RBFOX1: variants seen among roughly 807,000 people sequenced by gnomAD.
RBFOX1 encodes RNA binding fox-1 homolog 1.
A neutral mutation model predicts 57.7 loss-of-function variants in RBFOX1; 8 were observed. That is an observed-to-expected ratio of 0.14 (90% CI 0.08 to 0.25). The LOEUF (loss-of-function observed/expected upper bound fraction) is 0.25. RBFOX1 is among the 10% of genes least tolerant of loss of function. The pLI is 1.00. For missense variants in RBFOX1, 611 were observed against 548.5 expected, an observed-to-expected ratio of 1.11 and a Z score of -1.14; for synonymous variants, 326 against 222.4, an observed-to-expected ratio of 1.47 and a Z score of -4.15.
rs574132622 is a variant in RBFOX1 at position 6,838,165 on chromosome 16, C to A, written c.-16+183515C>A. The stretch of plus-strand genomic sequence containing the variant: ...CATGCATTAAGTATTTGTCCTAATG[C>A]TCTACCTCCCCTTGCCCCCTAGCCC... On this transcript the variant is annotated intron_variant, in intron 3 of 15. Transcript: ENST00000550418. Among the ~76,000 whole-genome samples the A allele has an allele frequency of 3.5e-4, 53 of 152,196 alleles. 1 individual carries two copies. In the South Asian group the frequency reaches 0.01, roughly 30 times the overall value.
In RBFOX1 at chr16:5,347,786, C is replaced by G. The variant is rs2065174631; in HGVS notation, c.219+107681C>G. ...CCCACACTTCCACCCACCCATTGGT[C>G]TATCCGCCCACCCTTCCACTTAATC... On this transcript the variant is annotated intron_variant, in intron 1 of 2. Coordinates refer to the RBFOX1 transcript ENST00000585867. 2.0e-5 allele frequency among the ~76,000 whole-genome samples: 3 copies of G among 146,710 alleles called. No individual in the cohort carries two copies. In the South Asian group the frequency reaches 7.0e-4, roughly 34 times the overall value.
intron 4 of RBFOX1, among the ~76,000 whole-genome samples, chr16:7,437,003 C>T (rs1236781494): frequency 6.6e-6 from 1 of 152,184 alleles, no homozygotes; most frequent in Non-Finnish European, 1.5e-5. Flanking sequence ...ATCTCTTAAA[C>T]CCAGGAGGTG....
chr16:5,485,622 C>T (rs1241532444), intron 2 of RBFOX1, among the ~76,000 whole-genome samples: 3 of 152,156 alleles, frequency 2.0e-5, no homozygotes, highest in Non-Finnish European at 4.4e-5. Flanking sequence ...GTCCTCATTT[C>T]ACAGATAAAA....
intron 2 of RBFOX1, among the ~76,000 whole-genome samples, chr16:6,575,415 T>C (rs1158640366): frequency 1.3e-5 from 2 of 152,252 alleles, no homozygotes; most frequent in South Asian, 2.1e-4. Context: ...CAGAATACCT[T>C]TTACCATGAG....
At chr16:7,260,663 A>G (rs2094883467) in intron 4 of RBFOX1, among the ~76,000 whole-genome samples, 1 of 151,348 alleles carries the variant, frequency 6.6e-6, no homozygotes, top group South Asian at 2.1e-4. Flanking sequence ...TAGTTTATTG[A>G]TTTTTTTTTA....
chr16:5,420,223 A>G (rs1238359274), intron 1 of RBFOX1, among the ~76,000 whole-genome samples: 1 of 152,220 alleles, frequency 6.6e-6, no homozygotes, highest in East Asian at 1.9e-4. Flanking sequence ...TTAAACAAAC[A>G]AGGTGGATTT....
At chr16:6,891,988 C>G (rs1024317522) in intron 3 of RBFOX1, among the ~76,000 whole-genome samples, 9 of 152,176 alleles carry the variant, frequency 5.9e-5, no homozygotes, top group African/African-American at 1.9e-4. Context: ...ATCCTGCTTA[C>G]TGATGCACTG....
rs1326883091 is a variant in RBFOX1 at position 6,500,887 on chromosome 16, T to TGTTGTTTG, written c.-63-153716_-63-153715insGTTGTTTG. Among the ~76,000 whole-genome samples the TGTTGTTTG allele has an allele frequency of 2.6e-3, 50 of 19,590 alleles. 1 individual carries two copies. In the South Asian group the frequency reaches 0.085, roughly 33 times the overall value. 12.9% of individuals were successfully genotyped at this position (19,590 alleles called of 152,430 possible). A position where few individuals can be genotyped will look rare whatever the true frequency, so the allele number is the denominator to read the frequency against. On this transcript the variant is annotated intron_variant, in intron 2 of 15. Transcript: ENST00000550418. ...GCCCTTGGGGAGTAGTTTTTTTTTT[T>TGTTGTTTG]TTTTTTTTTTTTTTAATGCTGAGAC...
At chr16:7,257,587 A>T (rs2094744886) in intron 4 of RBFOX1, among the ~76,000 whole-genome samples, 1 of 152,018 alleles carries the variant, frequency 6.6e-6, no homozygotes, top group East Asian at 1.9e-4. Flanking sequence ...ACCCTTGCTT[A>T]TCCACACCTA....
At chr16:7,187,381 A>G (rs920269116) in intron 4 of RBFOX1, among the ~76,000 whole-genome samples, 4 of 152,090 alleles carry the variant, frequency 2.6e-5, no homozygotes, top group South Asian at 2.1e-4. Context: ...AAGTATATAC[A>G]TAATATGATA....
intron 3 of RBFOX1, among the ~76,000 whole-genome samples, chr16:5,802,335 T>G (rs1214162615): frequency 6.6e-6 from 1 of 152,104 alleles, no homozygotes; most frequent in African/African-American, 2.4e-5. Flanking sequence ...CAACTTTGCC[T>G]CCTGTGACCT....
rs1029751904 is a variant in RBFOX1, at chr16:6,804,857, A to G, written c.-16+150207A>G. 2.8e-4 allele frequency among the ~76,000 whole-genome samples: 42 copies of G among 152,154 alleles called. 1 individual carries two copies. The highest frequency in any genetic ancestry group is 1.3e-4 in the Admixed American group (2 of 15,274). ...ATTGGCAGTTATGTCCTCCATAGTC[A>G]ATTTCATTCTTAAAAAGGCCATGTG... is the stretch of plus-strand genomic sequence containing the variant. On this transcript the variant is annotated intron_variant, in intron 3 of 15. Transcript: ENST00000550418.
intron 1 of RBFOX1, among the ~76,000 whole-genome samples, chr16:6,195,717 C>G (rs994610698): frequency 6.8e-6 from 1 of 147,730 alleles, no homozygotes; most frequent in African/African-American, 2.5e-5. Context: ...GAAACTCTGT[C>G]TTTAAAAAAG....
chr16:6,619,642 A>G (rs1389787168), intron 2 of RBFOX1, among the ~76,000 whole-genome samples: 1 of 149,464 alleles, frequency 6.7e-6, no homozygotes, highest in Non-Finnish European at 1.5e-5. Context: ...TGTGCCCCTG[A>G]GAAACTCTCT....
intron 3 of RBFOX1, among the ~76,000 whole-genome samples, chr16:5,723,296 T>C (rs1429316729): frequency 6.6e-6 from 1 of 152,194 alleles, no homozygotes; most frequent in Non-Finnish European, 1.5e-5. Flanking sequence ...TCGTCTGCCA[T>C]TGGAGAAGCT....
chr16:5,939,200 T>A (rs2059231832), intron 4 of RBFOX1, among the ~76,000 whole-genome samples: 1 of 152,206 alleles, frequency 6.6e-6, no homozygotes, highest in Admixed American at 6.5e-5. Flanking sequence ...GTAACAAACC[T>A]GCCCATTGTG....
chr16:6,436,787 A>C (rs2094248269), intron 2 of RBFOX1, among the ~76,000 whole-genome samples: 1 of 152,170 alleles, frequency 6.6e-6, no homozygotes, highest in South Asian at 2.1e-4. Flanking sequence ...TGGATGAATG[A>C]AAATAGACAC....
chr16:6,017,476 T>C (rs2095002234), upstream of RBFOX1, among the ~76,000 whole-genome samples: 1 of 152,202 alleles, frequency 6.6e-6, no homozygotes. Flanking sequence ...CCCAGATTTA[T>C]GGTTTCATTT....
intron 10 of RBFOX1, among the ~76,000 whole-genome samples, chr16:7,623,717 C>G (rs2059657267): frequency 6.6e-6 from 1 of 152,126 alleles, no homozygotes; most frequent in African/African-American, 2.4e-5. Context: ...AATTTATTTT[C>G]TCATAATTCT....
Sources: gnomAD v4.1 joint callset for allele counts (sites outside exome capture counted in the v4.1 genomes callset) on GRCh38, gnomAD v4.1.1 for gene constraint, MANE v1.5 for transcripts, NCBI Gene and HGNC (gene_info 2026-07-23, HGNC 2026-07-21) for gene names.